Variants in GPC5 observed in about 807,000 individuals in gnomAD.
The protein encoded by GPC5 is glypican-5.
GPC5 carries 47 observed loss-of-function variants against 53.9 expected under a neutral mutation model. That is an observed-to-expected ratio of 0.87 (90% CI 0.69 to 1.11). GPC5 has a LOEUF of 1.11. Among genes scored for constraint, GPC5 ranks in the 50% most tolerant of loss-of-function variants. The pLI, the probability that GPC5 is intolerant of heterozygous loss-of-function variation, is 0.00. For synonymous variants in GPC5, 286 were observed against 263.3 expected, an observed-to-expected ratio of 1.09 and a Z score of -0.84; for missense variants, 748 against 713.1, an observed-to-expected ratio of 1.05 and a Z score of -0.56.
In GPC5 at chr13:92,691,181, C is replaced by T. The variant is rs1201955826; in HGVS notation, c.1562-175101C>T. Among the ~76,000 whole-genome samples the T allele has an allele frequency of 3.9e-5, 4 of 101,620 alleles. 1 individual carries two copies. The highest frequency in any genetic ancestry group is 7.6e-5 in the Non-Finnish European group (4 of 52,804). The allele number at this position is 101,620 out of a possible 152,430, so 66.7% of individuals were successfully genotyped here. ...CTCCCCCAGCCTCGTTGCCGCCTTG[C>T]AGTTTGATCTCAGACTGCTGTGCTA... On this transcript the variant is annotated intron_variant, in intron 7 of 7. Transcript: ENST00000377067.
At position 92,490,489 on chromosome 13, in the gene GPC5, C is replaced by A. The variant is rs770844583; in HGVS notation, c.1561+345500C>A. Among the ~76,000 whole-genome samples, 16 of 152,148 alleles carry A rather than the reference C, an allele frequency of 1.1e-4. No homozygotes were observed. The East Asian group carries it at 3.1e-3, about 29-fold the overall frequency. On this transcript the variant is annotated intron_variant, in intron 7 of 7. Transcript: ENST00000377067. The stretch of plus-strand genomic sequence containing the variant: ...TGTAAAGGGACATTAAGTATCCACC[C>A]AGCCTTTAGAGGTGGAAGACTGGCT...
At chr13:91,436,561 A>G (rs1879985814) in intron 1 of GPC5, among the ~76,000 whole-genome samples, 1 of 152,272 alleles carries the variant, frequency 6.6e-6, no homozygotes, top group African/African-American at 2.4e-5. Context: ...ACAGTTTGTT[A>G]TAATTTCTGT....
At chr13:92,050,295 C>T (rs1202391208) in intron 6 of GPC5, among the ~76,000 whole-genome samples, 1 of 151,986 alleles carries the variant, frequency 6.6e-6, no homozygotes, top group Non-Finnish European at 1.5e-5. Context: ...TGGGATAAGA[C>T]ATTTTAAAGC....
At chr13:91,721,133 CTTTCTTT>C (rs2036462858) in intron 3 of GPC5, among the ~76,000 whole-genome samples, 1 of 70,508 alleles carries the variant, frequency 1.4e-5, no homozygotes, top group African/African-American at 5.9e-5. Context: ...TTCTTTCTTT[CTTTCTTT>C]TTTTGGGTGG....
intron 3 of GPC5, among the ~76,000 whole-genome samples, chr13:91,704,392 A>G (rs930054204): frequency 2.0e-5 from 3 of 151,850 alleles, no homozygotes. Context: ...AGAAGGCATG[A>G]CCCACCCCCG....
At chr13:92,809,992 T>C in intron 7 of GPC5, among the ~76,000 whole-genome samples, 1 of 152,202 alleles carries the variant, frequency 6.6e-6, no homozygotes, top group Non-Finnish European at 1.5e-5. Context: ...AAAAATCTTC[T>C]GCAACACTTA....
At chr13:92,181,494 T>C (rs1427642498) in intron 7 of GPC5, among the ~76,000 whole-genome samples, 5 of 152,230 alleles carry the variant, frequency 3.3e-5, no homozygotes, top group Admixed American at 6.5e-5. Context: ...AAGTGCTATG[T>C]AATGTTTTAA....
At chr13:92,077,686 A>G (rs2041263014) in intron 6 of GPC5, among the ~76,000 whole-genome samples, 1 of 152,218 alleles carries the variant, frequency 6.6e-6, no homozygotes, top group Admixed American at 6.5e-5. Flanking sequence ...TACGGTGCAC[A>G]GAAGGGATGA....
At chr13:92,820,980 A>C (rs1877654445) in intron 7 of GPC5, among the ~76,000 whole-genome samples, 1 of 152,180 alleles carries the variant, frequency 6.6e-6, no homozygotes, top group African/African-American at 2.4e-5. Flanking sequence ...TTGACTCCAG[A>C]GCCAATGATC....
chr13:92,263,583 T>C (rs1440390936), intron 7 of GPC5, among the ~76,000 whole-genome samples: 3 of 152,124 alleles, frequency 2.0e-5, no homozygotes, highest in East Asian at 1.9e-4. Context: ...TAATATATAG[T>C]GGGGTAGAAG....
At chr13:92,613,579 A>ATAATAT (rs1483824129) in intron 7 of GPC5, among the ~76,000 whole-genome samples, 4 of 121,788 alleles carry the variant, frequency 3.3e-5, no homozygotes, top group African/African-American at 1.5e-4. Context: ...TATAATATAT[A>ATAATAT]ATATTTTATA....
At chr13:91,473,377 A>G (rs1185491271) in intron 2 of GPC5, among the ~76,000 whole-genome samples, 1 of 152,168 alleles carries the variant, frequency 6.6e-6, no homozygotes, top group Non-Finnish European at 1.5e-5. Context: ...ACACAGCAAT[A>G]GAAGTATAGT....
At chr13:92,579,244 TCCCTCCC>T (rs1883287143) in intron 7 of GPC5, among the ~76,000 whole-genome samples, 2 of 24,838 alleles carry the variant, frequency 8.1e-5, no homozygotes, top group African/African-American at 5.4e-4. Context: ...TTATGCTCTC[TCCCTCCC>T]TCCCTCCCTC....
intron 2 of GPC5, among the ~76,000 whole-genome samples, chr13:91,571,937 A>AT (rs1566516260): frequency 7.5e-6 from 1 of 133,946 alleles, no homozygotes; most frequent in African/African-American, 2.8e-5. Flanking sequence ...ATATACACAC[A>AT]TGTATATACA....
intron 7 of GPC5, among the ~76,000 whole-genome samples, chr13:92,380,858 T>C (rs970090506): frequency 1.3e-5 from 2 of 151,280 alleles, no homozygotes; most frequent in Non-Finnish European, 2.9e-5. Flanking sequence ...TGTATACATA[T>C]GTAACTAACC....
At chr13:91,739,066 T>C (rs895493536) in intron 4 of GPC5, among the ~76,000 whole-genome samples, 1 of 151,602 alleles carries the variant, frequency 6.6e-6, no homozygotes, top group Admixed American at 6.6e-5. Context: ...TTTTGAAGAA[T>C]ATTTTCACAA....
At chr13:92,210,436 G>A (rs1025366146) in intron 7 of GPC5, among the ~76,000 whole-genome samples, 1 of 151,956 alleles carries the variant, frequency 6.6e-6, no homozygotes, top group Non-Finnish European at 1.5e-5. Context: ...TTTCTTTTTA[G>A]CATTACTAAA....
intron 6 of GPC5, among the ~76,000 whole-genome samples, chr13:92,082,410 A>G (rs1168514787): frequency 6.6e-6 from 1 of 152,154 alleles, no homozygotes; most frequent in African/African-American, 2.4e-5. Context: ...GACCAAGGCT[A>G]AAATTTATAA....
At chr13:92,264,878 CTGTG>C (rs71815584) in intron 7 of GPC5, among the ~76,000 whole-genome samples, 9,646 of 104,214 alleles carry the variant, frequency 0.093, 417 homozygotes, top group Non-Finnish European at 0.097. Flanking sequence ...CTCTCTCTCT[CTGTG>C]TGTGTGTGTG....
Sources: gnomAD v4.1 joint callset for allele counts (sites outside exome capture counted in the v4.1 genomes callset) on GRCh38, gnomAD v4.1.1 for gene constraint, MANE v1.5 for transcripts, NCBI Gene and HGNC (gene_info 2026-07-23, HGNC 2026-07-21) for gene names.